The following GAS2 variants were observed in gnomAD, a reference collection of about 807,000 sequenced individuals.
GAS2 encodes growth arrest specific 2.
In GAS2, 20 loss-of-function variants were observed where a neutral mutation model predicts 37.5. The ratio of observed to expected loss-of-function variants is 0.53; its 90% confidence interval spans 0.37 to 0.77. GAS2 has a LOEUF of 0.77. Ranked by LOEUF, GAS2 falls within the 30% of genes least tolerant of loss-of-function variation. The pLI, the probability that GAS2 is intolerant of heterozygous loss-of-function variation, is 0.00. For synonymous variants in GAS2, 144 were observed against 132.2 expected (o/e 1.09, Z -0.61); for missense variants, 336 against 373.4 (o/e 0.90, Z 0.82).
intron 3 of GAS2, among the ~76,000 whole-genome samples, chr11:22,697,040 A>T (rs1368615905): frequency 5.3e-5 from 8 of 151,698 alleles, no homozygotes; most frequent in African/African-American, 1.9e-4. Context: ...CTGAATGGTA[A>T]TGCCTAGGTT....
intron 7 of GAS2, among the ~76,000 whole-genome samples, chr11:22,769,131 A>T (rs1374416470): frequency 6.6e-6 from 1 of 152,162 alleles, no homozygotes; most frequent in African/African-American, 2.4e-5. Context: ...ACCTGGTAGG[A>T]CTTAACCTAA....
At chr11:22,765,807 T>C (rs1013398637) in intron 7 of GAS2, among the ~76,000 whole-genome samples, 8 of 150,362 alleles carry the variant, frequency 5.3e-5, no homozygotes, top group Non-Finnish European at 7.4e-5. Context: ...AGACCTGAGA[T>C]TGAGTAATTA....
In GAS2 at chr11:22,785,989, T is replaced by C. The variant is rs114067675; in HGVS notation, c.724-25809T>C. On this transcript the variant is annotated intron_variant, in intron 7 of 7. Coordinates refer to ENST00000454584, the MANE Select transcript of GAS2 (RefSeq NM_001143830.3). ...ATATAATAAATTCAAGGCATACTTC[T>C]TGGATAAATCCTTCTAAAGGACTTA... Among the ~76,000 whole-genome samples the C allele has an allele frequency of 2.4e-3, 368 of 152,276 alleles. 1 individual carries two copies. Among genetic ancestry groups the C allele is most frequent in the African/African-American group, 8.4e-3 (351 of 41,578 alleles).
chr11:22,786,822 T>C (rs1855840943), intron 7 of GAS2, among the ~76,000 whole-genome samples: 1 of 152,194 alleles, frequency 6.6e-6, no homozygotes, highest in African/African-American at 2.4e-5. Context: ...GTTTTATTTT[T>C]GAGGACTTTT....
chr11:22,765,888 G>T (rs1265250892), intron 7 of GAS2, among the ~76,000 whole-genome samples: 1 of 152,204 alleles, frequency 6.6e-6, no homozygotes, highest in Non-Finnish European at 1.5e-5. Flanking sequence ...TTCTCAGGAG[G>T]CCTCAGGAAG....
intron 1 of GAS2, among the ~76,000 whole-genome samples, chr11:22,653,791 G>T (rs570349703): frequency 2.0e-4 from 30 of 152,292 alleles, no homozygotes; most frequent in African/African-American, 6.7e-4. Flanking sequence ...TGGAGAGAAT[G>T]GACTCGTGAC....
chr11:22,664,901 T>A (rs1027411322), upstream of GAS2, among the ~76,000 whole-genome samples: 1 of 152,160 alleles, frequency 6.6e-6, no homozygotes, highest in Admixed American at 6.5e-5. Flanking sequence ...AGTACAACTC[T>A]TAGATGTTAA....
chr11:22,697,502 G>A (rs979266124), intron 3 of GAS2, among the ~76,000 whole-genome samples: 2 of 152,116 alleles, frequency 1.3e-5, no homozygotes, highest in African/African-American at 2.4e-5. Flanking sequence ...TAGCTTGATG[G>A]GGATGGCATT....
chr11:22,787,947 A>G (rs1400766210), intron 7 of GAS2, among the ~76,000 whole-genome samples: 2 of 152,194 alleles, frequency 1.3e-5, no homozygotes, highest in Non-Finnish European at 2.9e-5. Context: ...AATTTTGAAT[A>G]GCTGCTGGCT....
At position 22,735,223 on chromosome 11, in the gene GAS2, T is replaced by TA. The variant is rs1852685859; in HGVS notation, c.410-2482_410-2481insA. Reference sequence around the variant, plus strand: ...TCATTGCTTGCTGGTCACCAATCATTCTTTTTTTTTTTTTTTTTTTTGGTC... The same window carrying TA: ...TCATTGCTTGCTGGTCACCAATCATTACTTTTTTTTTTTTTTTTTTTTGGTC... On this transcript the variant is annotated intron_variant, in intron 4 of 7. Coordinates refer to ENST00000454584, the MANE Select transcript of GAS2 (RefSeq NM_001143830.3). Among the ~76,000 whole-genome samples, 4 of 114,336 alleles carry TA rather than the reference T, an allele frequency of 3.5e-5. No homozygotes were observed. In the East Asian group the frequency reaches 7.0e-4, roughly 20 times the overall value. The allele number at this position is 114,336 out of a possible 152,430, so 75.0% of individuals were successfully genotyped here.
intron 1 of GAS2, among the ~76,000 whole-genome samples, chr11:22,655,081 C>T (rs1221592425): frequency 6.6e-6 from 1 of 152,182 alleles, no homozygotes; most frequent in Non-Finnish European, 1.5e-5. Flanking sequence ...TCTCTCCCTA[C>T]TGCCCTTCAT....
intron 7 of GAS2, among the ~76,000 whole-genome samples, chr11:22,764,772 C>T (rs1241709784): frequency 1.3e-5 from 2 of 152,082 alleles, no homozygotes; most frequent in African/African-American, 4.8e-5. Context: ...TAAATAGAAG[C>T]TCAAAACCAA....
intron 1 of GAS2, among the ~76,000 whole-genome samples, chr11:22,657,779 C>T (rs1387687720): frequency 6.6e-6 from 1 of 152,188 alleles, no homozygotes; most frequent in Admixed American, 6.5e-5. Context: ...GGGCAGCTCA[C>T]TTATGTGAGC....
intron 7 of GAS2, among the ~76,000 whole-genome samples, chr11:22,764,053 A>G (rs889111322): frequency 5.3e-5 from 8 of 152,212 alleles, no homozygotes; most frequent in Non-Finnish European, 1.0e-4. Flanking sequence ...ATTGATAAAT[A>G]CTCTTAACCT....
chr11:22,736,967 T>C (rs942631898), intron 4 of GAS2, among the ~76,000 whole-genome samples: 1 of 152,164 alleles, frequency 6.6e-6, no homozygotes, highest in African/African-American at 2.4e-5. Context: ...GTCACATTAC[T>C]GAATGTCTAT....
chr11:22,811,947 A>G lies in GAS2; in HGVS notation c.873A>G (p.Leu291=). The G allele has an allele frequency of 3.7e-6, 6 of 1,614,128 alleles. No homozygotes were observed. The highest frequency in any genetic ancestry group is 5.1e-6 in the Non-Finnish European group (6 of 1,179,996). The part of the protein sequence containing the change: ...TSPIQSKSPT[L]KDMNPDNYLV... Reference sequence around the variant, plus strand: ...CTATCCAAAGCAAATCTCCAACTCTAAAGGACATGAATCCAGATAACTACT... The same window carrying G: ...CTATCCAAAGCAAATCTCCAACTCTGAAGGACATGAATCCAGATAACTACT... The change falls in exon 8 of 8, where the codon CTA becomes CTG. Residue 291 remains leucine (L), a synonymous_variant. Transcript: ENST00000454584.
intron 1 of GAS2, among the ~76,000 whole-genome samples, chr11:22,640,410 A>T (rs1369204407): frequency 6.6e-6 from 1 of 152,192 alleles, no homozygotes; most frequent in Non-Finnish European, 1.5e-5. Flanking sequence ...TTATTGCCTT[A>T]AGGATAGAAA....
At chr11:22,666,998 C>G (rs1849005446) in intron 1 of GAS2, 99 bp downstream of exon 1, 1 of 152,260 alleles carries the variant, frequency 6.6e-6, no homozygotes. Flanking sequence ...CTACTGCACC[C>G]GGGGCGGCGG....
At chr11:22,698,266 T>C (rs2134007689) in intron 3 of GAS2, among the ~76,000 whole-genome samples, 1 of 152,282 alleles carries the variant, frequency 6.6e-6, no homozygotes, top group South Asian at 2.1e-4. Flanking sequence ...CTAGAAAATC[T>C]TGAAGAAATG....
Sources: allele counts gnomAD v4.1 joint callset (sites outside exome capture counted in the v4.1 genomes callset), GRCh38; gene constraint gnomAD v4.1.1; transcripts MANE v1.5; gene names NCBI Gene and HGNC (gene_info 2026-07-23, HGNC 2026-07-21).